The following RIT2 variants were observed in gnomAD, a reference collection of about 807,000 sequenced individuals.
The protein encoded by RIT2 is GTP-binding protein Rit2.
Under a neutral mutation model 23.7 loss-of-function variants are expected in RIT2, and 24 were observed. The observed-to-expected ratio is 1.01, with a 90% CI of 0.73 to 1.43. The LOEUF is 1.43. RIT2 is among the 40% of genes most tolerant of loss of function. RIT2 has a pLI of 0.00. For synonymous variants in RIT2, 107 were observed against 91.1 expected, an observed-to-expected ratio of 1.17 and a Z score of -0.99; for missense variants, 236 against 266.9, an observed-to-expected ratio of 0.88 and a Z score of 0.81.
chr18:42,967,834 AG>A (rs1423722310), intron 3 of RIT2, among the ~76,000 whole-genome samples: 2 of 151,804 alleles, frequency 1.3e-5, no homozygotes, highest in Admixed American at 1.3e-4. Context: ...AAATGGTCCC[AG>A]ACTTACATAT....
intron 2 of RIT2, among the ~76,000 whole-genome samples, chr18:42,979,404 T>G (rs1405101698): frequency 6.6e-6 from 1 of 152,160 alleles, no homozygotes; most frequent in African/African-American, 2.4e-5. Flanking sequence ...CCTCATAATC[T>G]GAAATATATA....
At position 42,777,654 on chromosome 18, in the gene RIT2, C is replaced by T. The variant is rs976608286; in HGVS notation, c.427-33934G>A. On this transcript the variant is annotated intron_variant, in intron 4 of 4. Coordinates refer to ENST00000326695, the MANE Select transcript of RIT2 (RefSeq NM_002930.4). ...CATATTGTCATTTAGATCCAGGTCA[C>T]CCCTCACTTCAGATTTGTTAGAGAT... Among the ~76,000 whole-genome samples, 32 of 152,066 alleles carry T rather than the reference C, an allele frequency of 2.1e-4. 1 individual carries two copies. The highest frequency in any genetic ancestry group is 2.0e-3 in the Admixed American group (30 of 15,262).
At chr18:42,789,323 A>G (rs1913990598) in intron 4 of RIT2, among the ~76,000 whole-genome samples, 1 of 152,204 alleles carries the variant, frequency 6.6e-6, no homozygotes, top group Admixed American at 6.5e-5. Flanking sequence ...TACACTTTGA[A>G]TCACTGGTCT....
At chr18:42,943,732 G>A (rs1909660305) in intron 3 of RIT2, among the ~76,000 whole-genome samples, 4 of 152,078 alleles carry the variant, frequency 2.6e-5, no homozygotes, top group Admixed American at 2.6e-4. Context: ...AATTGGTTTT[G>A]TGATATTATT....
chr18:42,961,072 G>C (rs909481105), intron 3 of RIT2, among the ~76,000 whole-genome samples: 3 of 151,974 alleles, frequency 2.0e-5, no homozygotes, highest in African/African-American at 7.3e-5. Flanking sequence ...TATTATATCT[G>C]GGATAAACAG....
chr18:43,083,037 G>A (rs1454122760), intron 1 of RIT2, among the ~76,000 whole-genome samples: 1 of 152,088 alleles, frequency 6.6e-6, no homozygotes, highest in Admixed American at 6.6e-5. Flanking sequence ...CAAAGTCTCA[G>A]GATACAAATT....
At chr18:43,084,348 C>T (rs1913230399) in intron 1 of RIT2, among the ~76,000 whole-genome samples, 3 of 152,042 alleles carry the variant, frequency 2.0e-5, no homozygotes, top group African/African-American at 4.8e-5. Flanking sequence ...GGATCTGGAA[C>T]CAGAAATACC....
rs922488140 is a variant in RIT2 at position 43,043,652 on chromosome 18, T to G, written c.104-9785A>C. Among the ~76,000 whole-genome samples the G allele has an allele frequency of 2.6e-5, 4 of 151,906 alleles. No homozygotes were observed. In the East Asian group the frequency reaches 7.8e-4, roughly 30 times the overall value. On this transcript the variant is annotated intron_variant, in intron 1 of 4. Transcript: ENST00000326695. Reference sequence around the variant, plus strand: ...TTAAAAATACAAAATTAGCCGGGCTTGGTGGCACATGTCTGTAATCCCAGC... The same window carrying G: ...TTAAAAATACAAAATTAGCCGGGCTGGGTGGCACATGTCTGTAATCCCAGC...
At chr18:42,895,203 G>T (rs1908291628) in intron 4 of RIT2, among the ~76,000 whole-genome samples, 1 of 151,520 alleles carries the variant, frequency 6.6e-6, no homozygotes, top group Non-Finnish European at 1.5e-5. Context: ...AGTAATTCTT[G>T]TAGTGACTTA....
chr18:42,993,974 C>T (rs1910916672), intron 2 of RIT2, among the ~76,000 whole-genome samples: 1 of 152,106 alleles, frequency 6.6e-6, no homozygotes, highest in Non-Finnish European at 1.5e-5. Flanking sequence ...CCCCATTTTA[C>T]CTGTCCAAAA....
chr18:42,919,495 C>A (rs1430049668), intron 4 of RIT2, among the ~76,000 whole-genome samples: 1 of 152,220 alleles, frequency 6.6e-6, no homozygotes, highest in East Asian at 1.9e-4. Context: ...TGGAGGATCA[C>A]CTGAGGTCAG....
At chr18:42,783,054 G>A (rs181937084) in intron 4 of RIT2, among the ~76,000 whole-genome samples, 6 of 152,234 alleles carry the variant, frequency 3.9e-5, no homozygotes, top group Admixed American at 2.6e-4. Context: ...GTACTACAAA[G>A]TCGATAGATG....
intron 2 of RIT2, among the ~76,000 whole-genome samples, chr18:42,996,171 A>C (rs908073653): frequency 1.3e-5 from 2 of 152,080 alleles, no homozygotes; most frequent in African/African-American, 4.8e-5. Context: ...ATAATTCTAA[A>C]TGACAAATGT....
intron 4 of RIT2, among the ~76,000 whole-genome samples, chr18:42,767,164 G>T (rs1218796491): frequency 2.0e-5 from 3 of 152,136 alleles, no homozygotes; most frequent in East Asian, 3.9e-4. Context: ...ATCCCAGAAT[G>T]GTATATCCAC....
intron 2 of RIT2, among the ~76,000 whole-genome samples, chr18:43,032,331 T>C (rs970162556): frequency 6.6e-6 from 1 of 152,006 alleles, no homozygotes; most frequent in African/African-American, 2.4e-5. Context: ...CGTGAGAGGT[T>C]GATGAACAAG....
At chr18:43,083,089 G>A (rs1234992944) in intron 1 of RIT2, among the ~76,000 whole-genome samples, 1 of 152,042 alleles carries the variant, frequency 6.6e-6, no homozygotes. Flanking sequence ...ACCAATAATA[G>A]ACAAACAGAG....
intron 4 of RIT2, among the ~76,000 whole-genome samples, chr18:42,769,726 GA>G (rs1913504476): frequency 6.6e-6 from 1 of 151,722 alleles, no homozygotes; most frequent in Non-Finnish European, 1.5e-5. Context: ...ATATTTATAA[GA>G]AAGAAAGATG....
intron 2 of RIT2, among the ~76,000 whole-genome samples, chr18:43,003,753 T>C (rs1911161836): frequency 2.3e-5 from 3 of 131,224 alleles, no homozygotes; most frequent in Admixed American, 8.6e-5. Flanking sequence ...TTTTTTTTCC[T>C]CCTCAGTGAC....
intron 1 of RIT2, among the ~76,000 whole-genome samples, chr18:43,044,471 A>G (rs902693263): frequency 6.6e-6 from 1 of 152,232 alleles, no homozygotes; most frequent in Non-Finnish European, 1.5e-5. Flanking sequence ...AATGAAGCTC[A>G]TTAATGCAGG....
Sources: allele counts gnomAD v4.1 joint callset (sites outside exome capture counted in the v4.1 genomes callset), GRCh38; gene constraint gnomAD v4.1.1; transcripts MANE v1.5; gene names NCBI Gene and HGNC (gene_info 2026-07-23, HGNC 2026-07-21).